The following PPP4C variants were observed in gnomAD, a reference collection of about 807,000 sequenced individuals.
PPP4C encodes the protein serine/threonine-protein phosphatase 4 catalytic subunit.
PPP4C carries 10 observed loss-of-function variants against 40.5 expected under a neutral mutation model. The ratio of observed to expected loss-of-function variants is 0.25; its 90% confidence interval spans 0.15 to 0.42. The LOEUF (loss-of-function observed/expected upper bound fraction) is 0.42. PPP4C is among the 10% of genes least tolerant of loss of function. The probability of loss-of-function intolerance (pLI) is 1.00; values close to 1 mark genes in which losing one functional copy is unlikely to be tolerated. For synonymous variants in PPP4C, 187 were observed against 163.6 expected (o/e 1.14, Z -1.09); for missense variants, 191 against 416.4 (o/e 0.46, Z 4.71).
intron 4 of PPP4C, 47 bp from the exon 5 acceptor site, chr16:30,082,699 G>T: frequency 1.3e-6 from 2 of 1,569,790 alleles, no homozygotes; most frequent in Non-Finnish European, 1.7e-6. Flanking sequence ...ACAGGTAGGG[G>T]GTAGGGGACT....
At chr16:30,080,337 T>C (rs1204481585) in intron 2 of PPP4C, among the ~76,000 whole-genome samples, 1 of 125,102 alleles carries the variant, frequency 8.0e-6, no homozygotes, top group African/African-American at 3.1e-5. Context: ...GGAGCCAGAC[T>C]CTGTCTCAAA....
intron 2 of PPP4C, among the ~76,000 whole-genome samples, chr16:30,077,857 A>G (rs2072431307): frequency 6.6e-6 from 1 of 152,138 alleles, no homozygotes. Context: ...TGGGTCCTGA[A>G]TCTGTGGCCC....
intron 2 of PPP4C, among the ~76,000 whole-genome samples, chr16:30,080,099 C>T (rs1224783147): frequency 6.6e-6 from 1 of 152,044 alleles, no homozygotes; most frequent in Non-Finnish European, 1.5e-5. Flanking sequence ...AATCCCAGCA[C>T]TTTGGGAGGC....
At position 30,081,406 on chromosome 16, in the gene PPP4C, T is replaced by C. The variant is rs965202645; in HGVS notation, c.150+96T>C. On this transcript the variant is annotated intron_variant, in intron 3 of 8. Coordinates refer to ENST00000279387, the MANE Select transcript of PPP4C (RefSeq NM_002720.3). ...GGGCTCTATAAGCCCAACCCTAAGC[T>C]CTTTTATCTGTCCTTTCCCTCACCT... is the stretch of plus-strand genomic sequence containing the variant. 7 of 1,006,010 alleles carry C rather than the reference T, an allele frequency of 7.0e-6. No individual in the cohort carries two copies. The Admixed American group carries it at 9.5e-5, about 14-fold the overall frequency. 62.3% of individuals were successfully genotyped at this position (1,006,010 alleles called of 1,614,324 possible).
chr16:30,081,119 GT>G, intron 2 of PPP4C, 139 bp from the exon 3 acceptor site: 1 of 1,218,928 alleles, frequency 8.2e-7, no homozygotes. Context: ...TGGTCAGCCT[GT>G]TTTGGGGAGA....
At chr16:30,079,943 A>G (rs1452572287) in intron 2 of PPP4C, among the ~76,000 whole-genome samples, 1 of 152,190 alleles carries the variant, frequency 6.6e-6, no homozygotes, top group Non-Finnish European at 1.5e-5. Flanking sequence ...GAATCATCAT[A>G]GTACCTGCCT....
In PPP4C at chr16:30,083,817, C is replaced by CAGGAGGGGTTGGGAAAGAGAGGG. The variant is rs1567336723; in HGVS notation, c.604+39_604+61dup. 2.5e-6 allele frequency: 4 copies of CAGGAGGGGTTGGGAAAGAGAGGG among 1,610,224 alleles called. No individual in the cohort carries two copies. In the African/African-American group the frequency reaches 5.3e-5, roughly 21 times the overall value. On this transcript the variant is annotated intron_variant, in intron 7 of 8. Transcript: ENST00000279387. This position sits in a 1 kb window ranked among gnomAD's most constrained non-coding sequence, Gnocchi z 6.3. ...GTGGGCAGGGGCAGGCAGGGACAGC[C>CAGGAGGGGTTGGGAAAGAGAGGG]AGGAGGGGTTGGGAAAGAGAGGGAG...
chr16:30,076,942 T>C (rs1329117000), intron 2 of PPP4C, among the ~76,000 whole-genome samples: 5 of 152,246 alleles, frequency 3.3e-5, no homozygotes, highest in African/African-American at 4.8e-5. Flanking sequence ...GGAACTTTCA[T>C]GTTCAAAGTT....
At chr16:30,078,714 G>A (rs1188816284) in intron 2 of PPP4C, among the ~76,000 whole-genome samples, 1 of 152,250 alleles carries the variant, frequency 6.6e-6, no homozygotes, top group Non-Finnish European at 1.5e-5. Flanking sequence ...GCTGCTACTA[G>A]AAATATTAGC....
rs1346088771 is a variant in PPP4C, at chr16:30,081,192, C to A, written c.99-67C>A. ...ACTGCCTCATATCCTCCCCTCCCCC[C>A]AAAAAAGGTCAGGAATTGGGCTGGG... On this transcript the variant is annotated intron_variant, in intron 2 of 8. Coordinates refer to ENST00000279387, the MANE Select transcript of PPP4C (RefSeq NM_002720.3). The A allele has an allele frequency of 5.6e-6, 9 of 1,608,816 alleles. No homozygotes were observed. In the East Asian group the frequency reaches 8.9e-5, roughly 16 times the overall value.
chr16:30,083,088 G>T lies in PPP4C; in HGVS notation c.303+241G>T. On this transcript the variant is annotated intron_variant, in intron 5 of 8. Coordinates refer to ENST00000279387, the MANE Select transcript of PPP4C (RefSeq NM_002720.3). This position sits in a 1 kb window ranked among gnomAD's most constrained non-coding sequence, Gnocchi z 6.3. ...ATGTGGCAGGTCATTGATGCCACTG[G>T]TGGGAGAGGCAGTGTGGGGCCAGAT... The T allele has an allele frequency of 1.7e-6, 1 of 592,874 alleles. No individual in the cohort carries two copies. Among genetic ancestry groups the T allele is most frequent in the Non-Finnish European group, 3.0e-6 (1 of 335,092 alleles). The allele number at this position is 592,874 out of a possible 1,614,324, so 36.7% of individuals were successfully genotyped here. A position where few individuals can be genotyped will look rare whatever the true frequency, so the allele number is the denominator to read the frequency against.
chr16:30,085,178 C>CA lies in PPP4C; in HGVS notation c.*118dup. Reference sequence around the variant, plus strand: ...GGGCTGTCCTGGCTCTGCTGTCCCCCAAGAGGGTGCTTCGAGGGTGAGGAC... The same window carrying CA: ...GGGCTGTCCTGGCTCTGCTGTCCCCCAAAGAGGGTGCTTCGAGGGTGAGGAC... On this transcript the variant is annotated 3_prime_UTR_variant, in exon 9 of 9. Transcript: ENST00000279387. 2.9e-6 allele frequency: 4 copies of CA among 1,357,826 alleles called. No homozygotes were observed. The South Asian group carries it at 5.3e-5, about 18-fold the overall frequency. 84.1% of individuals were successfully genotyped at this position (1,357,826 alleles called of 1,614,324 possible).
chr16:30,076,612 C>T, intron 2 of PPP4C, 137 bp downstream of exon 2: 3 of 835,632 alleles, frequency 3.6e-6, no homozygotes, highest in South Asian at 3.3e-5. Context: ...AGCCGCTGCC[C>T]TCGAGGAAAA....
intron 2 of PPP4C, 76 bp from the exon 3 acceptor site, chr16:30,081,183 C>G (rs750304626): frequency 6.2e-7 from 1 of 1,603,590 alleles, no homozygotes; most frequent in Non-Finnish European, 8.5e-7. Flanking sequence ...TCATATCCTC[C>G]CCTCCCCCCA....
Position 30,085,208 on chromosome 16 carries a change from C to G in PPP4C, c.*146C>G. The G allele has an allele frequency of 5.9e-6, 5 of 846,802 alleles. No homozygotes were observed. The South Asian group carries it at 9.0e-5, about 15-fold the overall frequency. 52.5% of individuals were successfully genotyped at this position (846,802 alleles called of 1,614,324 possible). A position where few individuals can be genotyped will look rare whatever the true frequency, so the allele number is the denominator to read the frequency against. On this transcript the variant is annotated 3_prime_UTR_variant, in exon 9 of 9. Coordinates refer to ENST00000279387, the MANE Select transcript of PPP4C (RefSeq NM_002720.3). ...GGGTGCTTCGAGGGTGAGGACTTCTCTGGAGAGGCCTGGAGACCTAGCTCC... is the reference window on the plus strand; with the variant it reads ...GGGTGCTTCGAGGGTGAGGACTTCTGTGGAGAGGCCTGGAGACCTAGCTCC...
At chr16:30,082,316 G>T (rs1340580161) in intron 3 of PPP4C, among the ~76,000 whole-genome samples, 168 bp from the exon 4 acceptor site, 1 of 152,188 alleles carries the variant, frequency 6.6e-6, no homozygotes, top group East Asian at 1.9e-4. Context: ...AGGACAGTGG[G>T]TATGGTTCCA....
chr16:30,078,080 G>A (rs1422451714), intron 2 of PPP4C, among the ~76,000 whole-genome samples: 1 of 152,214 alleles, frequency 6.6e-6, no homozygotes, highest in Non-Finnish European at 1.5e-5. Context: ...GTTGTTGCCT[G>A]GCACTATTCT....
Position 30,083,801 on chromosome 16 carries a change from G to A in PPP4C, c.604+20G>A. On this transcript the variant is annotated intron_variant, in intron 7 of 8. Transcript: ENST00000279387. The surrounding 1 kb of genome is among the most constrained non-coding windows in gnomAD (Gnocchi z 6.3). ...CAGAAGGTGAGGGCATGTGGGCAGG[G>A]GCAGGCAGGGACAGCCAGGAGGGGT... The A allele has an allele frequency of 1.2e-6, 2 of 1,613,042 alleles. No homozygotes were observed. The highest frequency in any genetic ancestry group is 1.7e-6 in the Non-Finnish European group (2 of 1,179,760).
At chr16:30,082,978 C>A in intron 5 of PPP4C, 131 bp downstream of exon 5, 1 of 804,578 alleles carries the variant, frequency 1.2e-6, no homozygotes, top group Non-Finnish European at 2.0e-6. Context: ...TGGACCGATT[C>A]TGCTTTTGGG....
Sources: allele counts gnomAD v4.1 joint callset (sites outside exome capture counted in the v4.1 genomes callset), GRCh38; gene constraint gnomAD v4.1.1; non-coding constraint Gnocchi (gnomAD v3.1); transcripts MANE v1.5; gene names NCBI Gene and HGNC (gene_info 2026-07-23, HGNC 2026-07-21).